The following AGO4 variants were observed in gnomAD, a reference collection of about 807,000 sequenced individuals.
AGO4 encodes the protein argonaute RISC component 4, also known as protein argonaute-4.
Under a neutral mutation model 104.7 loss-of-function variants are expected in AGO4, and 33 were observed. That is an observed-to-expected ratio of 0.32 (90% CI 0.24 to 0.42). The LOEUF (loss-of-function observed/expected upper bound fraction) is 0.42, where lower values mean the gene tolerates loss of function less well. AGO4 is among the 10% of genes least tolerant of loss of function. The pLI is 1.00. For missense variants in AGO4, 711 were observed against 1,083.4 expected, an observed-to-expected ratio of 0.66 and a Z score of 4.83; for synonymous variants, 331 against 364.7, an observed-to-expected ratio of 0.91 and a Z score of 1.05.
intron 2 of AGO4, among the ~76,000 whole-genome samples, chr1:35,819,039 T>G (rs1003685659): frequency 1.7e-4 from 26 of 152,196 alleles, no homozygotes; most frequent in African/African-American, 6.0e-4. Flanking sequence ...TAGACTTGAG[T>G]AGTATAATTG....
chr1:35,822,898 G>A lies in AGO4; in HGVS notation c.222G>A (p.Met74Ile). ...ATACAATGGTGCGGCACTTCAAGATGCAAATATTTGGTGATCGGCAGCCTG... is the reference window on the plus strand; with the variant it reads ...ATACAATGGTGCGGCACTTCAAGATACAAATATTTGGTGATCGGCAGCCTG... ...VVDTMVRHFK[M>I]QIFGDRQPGY... Residue 74 changes from methionine to isoleucine, a missense_variant, in exon 3 of 18, where the codon ATG becomes ATA. Transcript: ENST00000373210. 6.2e-7 allele frequency: 1 copy of A among 1,614,054 alleles called. No homozygotes were observed. The highest frequency in any genetic ancestry group is 8.5e-7 in the Non-Finnish European group (1 of 1,179,982).
intron 1 of AGO4, among the ~76,000 whole-genome samples, chr1:35,816,529 G>T (rs1305259718): frequency 6.6e-6 from 1 of 152,126 alleles, no homozygotes; most frequent in Middle Eastern, 3.4e-3. Context: ...GGCCAGGTGC[G>T]GTGGCTCACG....
At chr1:35,844,657 C>T (rs1469605653) in intron 15 of AGO4, among the ~76,000 whole-genome samples, 3 of 152,140 alleles carry the variant, frequency 2.0e-5, no homozygotes. Flanking sequence ...CTTTCCTGCC[C>T]CCATCCTGTG....
intron 1 of AGO4, among the ~76,000 whole-genome samples, chr1:35,814,271 A>G (rs889934823): frequency 1.3e-5 from 2 of 152,144 alleles, no homozygotes; most frequent in African/African-American, 2.4e-5. Flanking sequence ...TGGCTGTTGC[A>G]TTAGATATTG....
Position 35,857,887 on chromosome 1 carries a change from G to T in AGO4, c.*4282G>T, listed in dbSNP as rs1197194746. The stretch of plus-strand genomic sequence containing the variant: ...AAACTAAAATAAAACTTTTAAAAAA[G>T]AAATTTCTATTTGAGAATTTTAGAA... On this transcript the variant is annotated 3_prime_UTR_variant, in exon 18 of 18. Coordinates refer to ENST00000373210, the MANE Select transcript of AGO4 (RefSeq NM_017629.4). 2 of 152,142 alleles carry T rather than the reference G, an allele frequency of 1.3e-5. No homozygotes were observed. Among genetic ancestry groups the T allele is most frequent in the African/African-American group, 2.4e-5 (1 of 41,440 alleles). The allele number at this position is 152,142 out of a possible 1,614,324, so 9.4% of individuals were successfully genotyped here.
chr1:35,822,710 T>C (rs1351896635), intron 2 of AGO4, 152 bp from the exon 3 acceptor site: 3 of 910,774 alleles, frequency 3.3e-6, no homozygotes, highest in African/African-American at 1.7e-5. Flanking sequence ...TTTAGTTAAC[T>C]ATTTTTTAAA....
At position 35,841,348 on chromosome 1, in the gene AGO4, C is replaced by T. The variant is rs1644437498; in HGVS notation, c.1908C>T (p.Tyr636=). 1 of 1,614,200 alleles carries T rather than the reference C, an allele frequency of 6.2e-7. No individual in the cohort carries two copies. Among genetic ancestry groups the T allele is most frequent in the Non-Finnish European group, 8.5e-7 (1 of 1,180,044 alleles). The part of the protein sequence containing the change: ...SRQEISQELL[Y]SQEVIQDLTN... ...AGGAGATCTCCCAAGAGCTCCTCTA[C>T]AGTCAAGAGGTCATCCAGGACCTGA... Residue 636 remains tyrosine (Y), a synonymous_variant, in exon 14 of 18, where the codon TAC becomes TAT. Coordinates refer to ENST00000373210, the MANE Select transcript of AGO4 (RefSeq NM_017629.4). This position sits in a 1 kb window ranked among gnomAD's most constrained non-coding sequence, Gnocchi z 4.7.
intron 10 of AGO4, 25 bp downstream of exon 10, chr1:35,832,210 A>G: frequency 1.2e-6 from 2 of 1,607,956 alleles, no homozygotes; most frequent in Non-Finnish European, 1.7e-6. Context: ...TTATTCAGCA[A>G]GCTTCTTCCA....
intron 13 of AGO4, among the ~76,000 whole-genome samples, chr1:35,836,721 A>G (rs1032184626): frequency 6.6e-6 from 1 of 152,080 alleles, no homozygotes; most frequent in Non-Finnish European, 1.5e-5. Flanking sequence ...GGATATTTTC[A>G]TACATTCATT....
Position 35,832,191 on chromosome 1 carries a change from C to A in AGO4, c.1245+6C>A. On this transcript the variant is annotated splice_donor_region_variant and intron_variant, in intron 10 of 17. Transcript: ENST00000373210. ...TGCTGCAATATGGAGGCCGGGTAAG[C>A]TTTTTATTTTATTCAGCAAGCTTCT... The A allele has an allele frequency of 6.2e-7, 1 of 1,609,708 alleles. No homozygotes were observed. The highest frequency in any genetic ancestry group is 8.5e-7 in the Non-Finnish European group (1 of 1,178,950).
intron 1 of AGO4, among the ~76,000 whole-genome samples, chr1:35,815,033 G>A (rs1174878415): frequency 3.9e-5 from 6 of 152,056 alleles, no homozygotes; most frequent in South Asian, 2.1e-4. Flanking sequence ...ATCCACCACC[G>A]TGCCCGGCTA....
rs1226741689 is a variant in AGO4, at chr1:35,808,338, C to T, written c.-79C>T. ...CCAATATTCCGGAGATCAAGCGTTACGCGGCGGCGGCGGCGGCGGCGGCGG... is the reference window on the plus strand; with the variant it reads ...CCAATATTCCGGAGATCAAGCGTTATGCGGCGGCGGCGGCGGCGGCGGCGG... On this transcript the variant is annotated 5_prime_UTR_variant, in exon 1 of 18. In the 5' UTR this introduces an upstream ATG that the reference lacks. Coordinates refer to ENST00000373210, the MANE Select transcript of AGO4 (RefSeq NM_017629.4). The surrounding 1 kb of genome is among the most constrained non-coding windows in gnomAD (Gnocchi z 5.2). 3.5e-6 allele frequency: 3 copies of T among 860,726 alleles called. No homozygotes were observed. The highest frequency in any genetic ancestry group is 1.1e-4 in the East Asian group (1 of 8,936). The allele number at this position is 860,726 out of a possible 1,614,324, so 53.3% of individuals were successfully genotyped here.
At chr1:35,842,535 G>A (rs1644469451) in intron 15 of AGO4, among the ~76,000 whole-genome samples, 1 of 152,358 alleles carries the variant, frequency 6.6e-6, no homozygotes, top group Admixed American at 6.5e-5. Context: ...TGGCGCTGTG[G>A]CTCACGCCTG....
intron 15 of AGO4, among the ~76,000 whole-genome samples, chr1:35,847,443 A>G (rs1386699601): frequency 6.6e-6 from 1 of 152,146 alleles, no homozygotes; most frequent in African/African-American, 2.4e-5. Flanking sequence ...CATGTTGGCC[A>G]GGCTGGTCTT....
At chr1:35,838,238 A>C (rs1644361447) in intron 13 of AGO4, among the ~76,000 whole-genome samples, 1 of 152,132 alleles carries the variant, frequency 6.6e-6, no homozygotes, top group Admixed American at 6.5e-5. Context: ...TTTTTAGTAG[A>C]GACAGGGCTT....
intron 2 of AGO4, among the ~76,000 whole-genome samples, chr1:35,821,794 G>A (rs978029306): frequency 1.3e-5 from 2 of 152,088 alleles, no homozygotes; most frequent in Admixed American, 1.3e-4. Context: ...AGGCAAAGGG[G>A]TTGACTTATT....
intron 7 of AGO4, among the ~76,000 whole-genome samples, chr1:35,829,578 C>G (rs1293599538): frequency 6.6e-6 from 1 of 152,008 alleles, no homozygotes; most frequent in Admixed American, 6.6e-5. Flanking sequence ...GCTCACGCCT[C>G]TAAATCCCAG....
At chr1:35,840,444 G>A (rs1237410101) in intron 13 of AGO4, among the ~76,000 whole-genome samples, 1 of 152,054 alleles carries the variant, frequency 6.6e-6, no homozygotes, top group Non-Finnish European at 1.5e-5. Flanking sequence ...TTACAGGCGT[G>A]AGTCACCATG....
chr1:35,834,240 C>T (rs766479545), intron 12 of AGO4, 66 bp downstream of exon 12: 1 of 1,315,964 alleles, frequency 7.6e-7, no homozygotes, highest in Non-Finnish European at 1.0e-6. Flanking sequence ...TCAGGATAAG[C>T]TAGGTTATGC....
Sources: allele counts gnomAD v4.1 joint callset (sites outside exome capture counted in the v4.1 genomes callset), GRCh38; gene constraint gnomAD v4.1.1; non-coding constraint Gnocchi (gnomAD v3.1); transcripts MANE v1.5; gene names NCBI Gene and HGNC (gene_info 2026-07-23, HGNC 2026-07-21).